Variants in EXOC4 observed in about 807,000 individuals in gnomAD.
The protein encoded by EXOC4 is SEC8-like 1.
A neutral mutation model predicts 107.2 loss-of-function variants in EXOC4; 71 were observed. The observed-to-expected ratio is 0.66, with a 90% CI of 0.55 to 0.81. EXOC4 has a LOEUF of 0.81. EXOC4 is among the 30% of genes least tolerant of loss of function. The probability of loss-of-function intolerance (pLI) is 0.00; values close to 1 mark genes in which losing one functional copy is unlikely to be tolerated. For missense variants in EXOC4, 1,108 were observed against 1,189.6 expected (o/e 0.93, Z 1.01); for synonymous variants, 456 against 441.2 (o/e 1.03, Z -0.42).
intron 11 of EXOC4, among the ~76,000 whole-genome samples, chr7:133,848,442 C>G (rs1215083104): frequency 6.6e-6 from 1 of 152,180 alleles, no homozygotes; most frequent in Non-Finnish European, 1.5e-5. Context: ...TATGACTTTC[C>G]CAGCCTCTGA....
intron 10 of EXOC4, among the ~76,000 whole-genome samples, chr7:133,636,683 A>G (rs921655114): frequency 6.6e-6 from 1 of 152,216 alleles, no homozygotes; most frequent in Non-Finnish European, 1.5e-5. Flanking sequence ...ACACTGCTGG[A>G]ATATTGAATA....
intron 8 of EXOC4, among the ~76,000 whole-genome samples, chr7:133,477,543 T>C (rs1166086658): frequency 1.3e-5 from 2 of 152,206 alleles, no homozygotes; most frequent in Non-Finnish European, 2.9e-5. Flanking sequence ...ATAGCTTGCT[T>C]ATTTACCTAT....
intron 7 of EXOC4, among the ~76,000 whole-genome samples, chr7:133,461,737 GTA>G (rs1474240917): frequency 6.6e-6 from 1 of 152,182 alleles, no homozygotes; most frequent in Middle Eastern, 3.2e-3. Context: ...TGTTGTAGTT[GTA>G]CTCCAAGGAG....
At chr7:133,720,927 A>G (rs907445324) in intron 10 of EXOC4, among the ~76,000 whole-genome samples, 4 of 152,210 alleles carry the variant, frequency 2.6e-5, no homozygotes, top group Non-Finnish European at 5.9e-5. Context: ...CTAGGTTATA[A>G]TATAGGAGCC....
chr7:133,297,454 A>G (rs1463905249), intron 3 of EXOC4, among the ~76,000 whole-genome samples: 1 of 152,204 alleles, frequency 6.6e-6, no homozygotes, highest in African/African-American at 2.4e-5. Flanking sequence ...ATAGTGTGTC[A>G]TAGTGGAAAC....
chr7:133,579,686 C>CTTTTTT (rs11368284), intron 9 of EXOC4, among the ~76,000 whole-genome samples: 8 of 139,798 alleles, frequency 5.7e-5, no homozygotes, highest in Non-Finnish European at 4.6e-5. Flanking sequence ...CACAACTTTA[C>CTTTTTT]TTTTTTTTTT....
chr7:134,034,946 G>A (rs1342634797), intron 17 of EXOC4, among the ~76,000 whole-genome samples: 1 of 152,074 alleles, frequency 6.6e-6, no homozygotes, highest in African/African-American at 2.4e-5. Flanking sequence ...CCCAGCAAAA[G>A]TAAGAATGTA....
chr7:134,097,656 C>T, the EXOC4 span, among the ~76,000 whole-genome samples: 7 of 152,228 alleles, frequency 4.6e-5, no homozygotes, highest in Admixed American at 4.6e-4. Context: ...AGGCTTCCTA[C>T]ACATTGACTG....
chr7:133,923,238 C>T (rs1052017049), intron 13 of EXOC4, among the ~76,000 whole-genome samples: 1 of 151,094 alleles, frequency 6.6e-6, no homozygotes, highest in Non-Finnish European at 1.5e-5. Flanking sequence ...AAGAGATTCT[C>T]CTGCCTCAGC....
At chr7:134,009,199 T>C (rs1794712675) in intron 17 of EXOC4, among the ~76,000 whole-genome samples, 1 of 152,234 alleles carries the variant, frequency 6.6e-6, no homozygotes, top group South Asian at 2.1e-4. Context: ...TTGTTTTTAA[T>C]AATGCCCAAT....
At chr7:133,409,044 A>G (rs1797295278) in intron 7 of EXOC4, among the ~76,000 whole-genome samples, 1 of 152,178 alleles carries the variant, frequency 6.6e-6, no homozygotes, top group Admixed American at 6.5e-5. Flanking sequence ...AAGTATAATC[A>G]AAATCGGATA....
At chr7:133,857,300 CGT>C (rs1491196189) in intron 11 of EXOC4, among the ~76,000 whole-genome samples, 1 of 8,072 alleles carries the variant, frequency 1.2e-4, no homozygotes, top group Non-Finnish European at 1.9e-4. Context: ...TATATATACA[CGT>C]ATATATATAT....
At chr7:133,866,670 T>A (rs1263057782) in intron 11 of EXOC4, among the ~76,000 whole-genome samples, 1 of 152,216 alleles carries the variant, frequency 6.6e-6, no homozygotes, top group Non-Finnish European at 1.5e-5. Context: ...AAACTCATTT[T>A]GATTCATCGC....
intron 14 of EXOC4, among the ~76,000 whole-genome samples, chr7:133,963,096 G>A (rs563540010): frequency 2.3e-4 from 35 of 152,350 alleles, no homozygotes; most frequent in South Asian, 8.3e-4. Context: ...AGGGAGTACC[G>A]CAGCCTGTGG....
intron 10 of EXOC4, among the ~76,000 whole-genome samples, chr7:133,675,688 A>G (rs766480379): frequency 6.6e-6 from 1 of 152,186 alleles, no homozygotes; most frequent in Non-Finnish European, 1.5e-5. Context: ...GGCTCTGCCA[A>G]GATGAATTAG....
At chr7:133,668,718 A>G (rs1490261811) in intron 10 of EXOC4, among the ~76,000 whole-genome samples, 1 of 152,104 alleles carries the variant, frequency 6.6e-6, no homozygotes, top group Admixed American at 6.6e-5. Flanking sequence ...AACAGAGGGG[A>G]TGTTAAAGCT....
intron 3 of EXOC4, among the ~76,000 whole-genome samples, chr7:133,295,665 A>G (rs979224543): frequency 1.3e-5 from 2 of 152,150 alleles, no homozygotes; most frequent in African/African-American, 4.8e-5. Context: ...GGTTGCTTCT[A>G]TTTGTGTCAG....
chr7:133,896,081 C>A (rs1799300279), intron 12 of EXOC4, among the ~76,000 whole-genome samples: 1 of 152,148 alleles, frequency 6.6e-6, no homozygotes, highest in South Asian at 2.1e-4. Context: ...TAAAGTAGAG[C>A]AATTTGAAAC....
intron 7 of EXOC4, among the ~76,000 whole-genome samples, chr7:133,425,662 T>G (rs565583916): frequency 6.6e-6 from 1 of 152,228 alleles, no homozygotes; most frequent in South Asian, 2.1e-4. Context: ...ACATGCCCCA[T>G]TATACCTCTC....
Sources: allele counts gnomAD v4.1 joint callset (sites outside exome capture counted in the v4.1 genomes callset), GRCh38; gene constraint gnomAD v4.1.1; transcripts MANE v1.5; gene names NCBI Gene and HGNC (gene_info 2026-07-23, HGNC 2026-07-21).